Variants in ARHGEF10 observed in about 807,000 individuals in gnomAD.
ARHGEF10 encodes the protein Rho guanine nucleotide exchange factor (GEF) 10.
ARHGEF10 carries 140 observed loss-of-function variants against 147.4 expected under a neutral mutation model. That is an observed-to-expected ratio of 0.95 (90% CI 0.83 to 1.09). The LOEUF (loss-of-function observed/expected upper bound fraction) is 1.09, where lower values mean the gene tolerates loss of function less well. Ranked by LOEUF, ARHGEF10 falls within the 50% of genes least tolerant of loss-of-function variation. The pLI is 0.00. For missense variants in ARHGEF10, 2,222 were observed against 1,752.7 expected, an observed-to-expected ratio of 1.27 and a Z score of -4.78; for synonymous variants, 902 against 695.8, an observed-to-expected ratio of 1.30 and a Z score of -4.67.
intron 18 of ARHGEF10, among the ~76,000 whole-genome samples, chr8:1,912,885 A>T (rs181151645): frequency 1.4e-3 from 218 of 152,298 alleles, no homozygotes; most frequent in Non-Finnish European, 2.7e-3. Flanking sequence ...GAGGAGGAAG[A>T]TCGAGCGTGA....
intron 26 of ARHGEF10, among the ~76,000 whole-genome samples, chr8:1,945,249 G>T (rs1319309970): frequency 6.6e-6 from 1 of 152,212 alleles, no homozygotes; most frequent in African/African-American, 2.4e-5. Context: ...CACCATGCCT[G>T]TGTCTTTGGA....
At chr8:1,880,868 C>A (rs1037579620) in intron 9 of ARHGEF10, among the ~76,000 whole-genome samples, 1 of 152,238 alleles carries the variant, frequency 6.6e-6, no homozygotes, top group South Asian at 2.1e-4. Context: ...GCTTCTGGAG[C>A]AGCCGGCTCA....
chr8:1,861,406 G>A lies in ARHGEF10; in HGVS notation c.481+1222G>A, dbSNP rs187544525. Among the ~76,000 whole-genome samples, 29 of 152,340 alleles carry A rather than the reference G, an allele frequency of 1.9e-4. 2 individuals carry two copies. Among genetic ancestry groups the A allele is most frequent in the Middle Eastern group, 6.8e-3 (2 of 294 alleles). On this transcript the variant is annotated intron_variant, in intron 4 of 28. Coordinates refer to ENST00000349830, the MANE Select transcript of ARHGEF10 (RefSeq NM_014629.4). ...CAGGGTGAGGGTAAGCACATACCCT[G>A]CCTCTGTCTTCAGGAGCGACCCAGT...
intron 23 of ARHGEF10, chr8:1,926,807 G>C: frequency 2.9e-6 from 1 of 343,818 alleles, no homozygotes; most frequent in Non-Finnish European, 5.5e-6. Flanking sequence ...TCCAAGACTG[G>C]CTTTTTCCAG....
chr8:1,833,585 GC>G lies in ARHGEF10; in HGVS notation c.-48+9477del, dbSNP rs1272049588. 3.3e-5 allele frequency among the ~76,000 whole-genome samples: 5 copies of G among 152,262 alleles called. No homozygotes were observed. In the East Asian group the frequency reaches 7.7e-4, roughly 24 times the overall value. On this transcript the variant is annotated intron_variant, in intron 1 of 28. Transcript: ENST00000349830. ...TTTGGCGCCCTGTTACCGCCTCCAA[GC>G]CCCCACCCCCAGGATGCTCACCATG...
At chr8:1,922,593 A>G (rs1256268864) in intron 18 of ARHGEF10, among the ~76,000 whole-genome samples, 2 of 152,172 alleles carry the variant, frequency 1.3e-5, no homozygotes, top group African/African-American at 4.8e-5. Flanking sequence ...ATCCGGGACT[A>G]GGAAATGACA....
chr8:1,839,078 G>A (rs1392109215), intron 1 of ARHGEF10, among the ~76,000 whole-genome samples: 9 of 151,752 alleles, frequency 5.9e-5, no homozygotes, highest in Admixed American at 1.3e-4. Context: ...GGGACTGTCT[G>A]GTGTGGAAGC....
chr8:1,860,761 A>G (rs1387500483), intron 4 of ARHGEF10, among the ~76,000 whole-genome samples: 1 of 152,046 alleles, frequency 6.6e-6, no homozygotes, highest in Non-Finnish European at 1.5e-5. Context: ...TTTGGCCTGT[A>G]TGACTTACTG....
At chr8:1,828,198 T>C (rs17829485) in intron 1 of ARHGEF10, among the ~76,000 whole-genome samples, 2,192 of 152,344 alleles carry the variant, frequency 0.014, 85 homozygotes, top group East Asian at 0.098. Flanking sequence ...GTTGCTTCCG[T>C]GCTGAGATCA....
In ARHGEF10 at chr8:1,923,351, ATC is replaced by A; in HGVS notation, c.2260-115_2260-114del. 2.7e-6 allele frequency: 4 copies of A among 1,470,866 alleles called. No individual in the cohort carries two copies. The South Asian group carries it at 4.8e-5, about 18-fold the overall frequency. The allele number at this position is 1,470,866 out of a possible 1,614,324, so 91.1% of individuals were successfully genotyped here. On this transcript the variant is annotated intron_variant, in intron 19 of 28. Coordinates refer to ENST00000349830, the MANE Select transcript of ARHGEF10 (RefSeq NM_014629.4). ...GACTCCCAAAGCTTTCTTTTTCATA[ATC>A]TAATAGTTTCATTTGGTCTGAATTT... is the stretch of plus-strand genomic sequence containing the variant.
intron 1 of ARHGEF10, chr8:1,826,235 G>A: frequency 9.1e-7 from 1 of 1,103,088 alleles, no homozygotes; most frequent in Non-Finnish European, 1.3e-6. Context: ...AGCTTTTTAT[G>A]TTTTTAAAAG....
At chr8:1,899,548 T>C (rs1441918541) in intron 15 of ARHGEF10, among the ~76,000 whole-genome samples, 2 of 152,192 alleles carry the variant, frequency 1.3e-5, no homozygotes, top group African/African-American at 4.8e-5. Flanking sequence ...TTTAAATAAA[T>C]GTAGTCATCA....
intron 1 of ARHGEF10, among the ~76,000 whole-genome samples, chr8:1,831,368 A>T (rs1265343218): frequency 1.3e-5 from 2 of 148,890 alleles, no homozygotes; most frequent in South Asian, 4.3e-4. Flanking sequence ...ACAGTGTGAC[A>T]TCCATGGAGG....
At position 1,832,055 on chromosome 8, in the gene ARHGEF10, A is replaced by G. The variant is rs114470794; in HGVS notation, c.-48+7942A>G. Among the ~76,000 whole-genome samples, 623 of 152,170 alleles carry G rather than the reference A, an allele frequency of 4.1e-3. 6 individuals are homozygous for G. The highest frequency in any genetic ancestry group is 0.014 in the African/African-American group (601 of 41,512). ...CTGTGGAATGCGGTGCTTCCTCCTGACTGTGGGGCTGGAGGAGCAGCGGTG... is the reference window on the plus strand; with the variant it reads ...CTGTGGAATGCGGTGCTTCCTCCTGGCTGTGGGGCTGGAGGAGCAGCGGTG... On this transcript the variant is annotated intron_variant, in intron 1 of 28. Coordinates refer to ENST00000349830, the MANE Select transcript of ARHGEF10 (RefSeq NM_014629.4).
At chr8:1,864,511 G>T in intron 5 of ARHGEF10, 75 bp downstream of exon 5, 1 of 1,457,010 alleles carries the variant, frequency 6.9e-7, no homozygotes, top group Non-Finnish European at 9.6e-7. Flanking sequence ...GGATCCTGGT[G>T]TGTGTCCCTG....
chr8:1,918,119 A>C (rs780030432), intron 18 of ARHGEF10, among the ~76,000 whole-genome samples: 1 of 152,200 alleles, frequency 6.6e-6, no homozygotes, highest in Non-Finnish European at 1.5e-5. Flanking sequence ...TTTTGGCCTG[A>C]AAATCAACAT....
chr8:1,825,824 T>C (rs1274648095), intron 1 of ARHGEF10, among the ~76,000 whole-genome samples: 2 of 152,252 alleles, frequency 1.3e-5, no homozygotes, highest in African/African-American at 2.4e-5. Context: ...AACCATAACC[T>C]GAGTACGGAC....
At chr8:1,888,840 A>T (rs80198082) in intron 11 of ARHGEF10, among the ~76,000 whole-genome samples, 5,595 of 31,256 alleles carry the variant, frequency 0.18, 1,278 homozygotes, top group Middle Eastern at 0.27. Flanking sequence ...GACACTGAAT[A>T]GGGTGAGGTT....
intron 18 of ARHGEF10, among the ~76,000 whole-genome samples, chr8:1,914,219 G>A (rs974228863): frequency 3.9e-5 from 6 of 152,206 alleles, no homozygotes; most frequent in African/African-American, 7.2e-5. Context: ...CAGGAGAAGC[G>A]GAGCTGTATT....
Sources: gnomAD v4.1 joint callset for allele counts (sites outside exome capture counted in the v4.1 genomes callset) on GRCh38, gnomAD v4.1.1 for gene constraint, MANE v1.5 for transcripts, NCBI Gene and HGNC (gene_info 2026-07-23, HGNC 2026-07-21) for gene names.